Variants in IP6K1 observed in about 807,000 individuals in gnomAD.
IP6K1 encodes ATP:1D-myo-inositol-hexakisphosphate phosphotransferase.
Under a neutral mutation model 38.3 loss-of-function variants are expected in IP6K1, and 13 were observed. The observed-to-expected ratio is 0.34, with a 90% CI of 0.22 to 0.54. The LOEUF (loss-of-function observed/expected upper bound fraction) is 0.54. IP6K1 is among the 20% of genes least tolerant of loss of function. The probability of loss-of-function intolerance (pLI) is 0.92; values close to 1 mark genes in which losing one functional copy is unlikely to be tolerated. For missense variants in IP6K1, 397 were observed against 599.8 expected (o/e 0.66, Z 3.53); for synonymous variants, 212 against 229.9 (o/e 0.92, Z 0.70).
chr3:49,776,693 A>G (rs2108262733), intron 1 of IP6K1, among the ~76,000 whole-genome samples: 1 of 152,314 alleles, frequency 6.6e-6, no homozygotes, highest in South Asian at 2.1e-4. Flanking sequence ...TATAAATGAT[A>G]GCAAAAGCAC....
In IP6K1 at chr3:49,747,979, T is replaced by A. The variant is rs1224145518; in HGVS notation, c.62A>T (p.Asp21Val). ...QYGKNASRAG[D>V]RGVLLEPFIH... The stretch of plus-strand genomic sequence containing the variant: ...GAAGGGCTCCAGGAGGACTCCCCGG[T>A]CTCCAGCCCGACTTGCATTCTTGCC... The change falls in exon 2 of 6, where the codon GAC (aspartate) becomes GTC (valine). Residue 21 changes from aspartate to valine, a missense_variant. By Grantham distance (152) the Asp-to-Val change is radical. Transcript: ENST00000321599. The A allele has an allele frequency of 6.2e-7, 1 of 1,614,074 alleles. No homozygotes were observed. The highest frequency in any genetic ancestry group is 8.5e-7 in the Non-Finnish European group (1 of 1,180,038).
At chr3:49,769,429 C>T (rs2080939053) in intron 1 of IP6K1, among the ~76,000 whole-genome samples, 1 of 152,138 alleles carries the variant, frequency 6.6e-6, no homozygotes, top group Non-Finnish European at 1.5e-5. Flanking sequence ...TGGAACAGAA[C>T]ACAGATTTCA....
intron 4 of IP6K1, among the ~76,000 whole-genome samples, chr3:49,729,324 A>G (rs1046161202): frequency 2.0e-5 from 3 of 152,114 alleles, no homozygotes; most frequent in Admixed American, 6.6e-5. Flanking sequence ...TTGTATGTAT[A>G]TATCACAAAC....
chr3:49,785,309 C>G (rs1440439045), intron 1 of IP6K1, among the ~76,000 whole-genome samples: 4 of 152,024 alleles, frequency 2.6e-5, no homozygotes, highest in Non-Finnish European at 4.4e-5. Context: ...AGTTCGAGAC[C>G]AGCCTGGCCA....
chr3:49,758,190 G>T (rs1474008769), intron 1 of IP6K1, among the ~76,000 whole-genome samples: 1 of 151,414 alleles, frequency 6.6e-6, no homozygotes, highest in East Asian at 1.9e-4. Flanking sequence ...GGCGCCTGTA[G>T]TCAGTCCCAG....
Position 49,731,570 on chromosome 3 carries a change from A to G in IP6K1, c.616+1221T>C, listed in dbSNP as rs575889956. On this transcript the variant is annotated intron_variant, in intron 4 of 5. Transcript: ENST00000321599. The stretch of plus-strand genomic sequence containing the variant: ...CAACACTTAATCCCCCTGTGCTTCC[A>G]CTTCCTCATCTATAACATGGGAATG... Among the ~76,000 whole-genome samples, 6 of 152,278 alleles carry G rather than the reference A, an allele frequency of 3.9e-5. 1 individual carries two copies. In the South Asian group the frequency reaches 1.2e-3, roughly 32 times the overall value.
intron 1 of IP6K1, among the ~76,000 whole-genome samples, chr3:49,773,705 T>A (rs1028781079): frequency 1.3e-5 from 2 of 152,220 alleles, no homozygotes; most frequent in Non-Finnish European, 2.9e-5. Context: ...TCATTATATT[T>A]TCTATGCTAG....
At chr3:49,752,702 C>T (rs2080788925) in intron 1 of IP6K1, among the ~76,000 whole-genome samples, 1 of 151,660 alleles carries the variant, frequency 6.6e-6, no homozygotes, top group Non-Finnish European at 1.5e-5. Flanking sequence ...GTGATCTGCC[C>T]GCCTAGACCT....
intron 1 of IP6K1, among the ~76,000 whole-genome samples, chr3:49,759,259 G>T (rs1052851895): frequency 1.3e-5 from 2 of 152,080 alleles, no homozygotes; most frequent in Admixed American, 1.3e-4. Flanking sequence ...ATACTACTCT[G>T]AAGATTATCT....
intron 4 of IP6K1, among the ~76,000 whole-genome samples, chr3:49,731,177 G>A (rs2108222614): frequency 6.6e-6 from 1 of 151,758 alleles, no homozygotes; most frequent in East Asian, 1.9e-4. Flanking sequence ...TAACTCCCTG[G>A]CATTTACATA....
intron 1 of IP6K1, among the ~76,000 whole-genome samples, chr3:49,775,841 T>A (rs930992814): frequency 6.6e-6 from 1 of 152,018 alleles, no homozygotes; most frequent in African/African-American, 2.4e-5. Context: ...GAAAAATTGA[T>A]AGATTAGTTA....
chr3:49,737,614 A>T (rs1247816162), intron 3 of IP6K1, among the ~76,000 whole-genome samples: 1 of 152,234 alleles, frequency 6.6e-6, no homozygotes, highest in African/African-American at 2.4e-5. Flanking sequence ...TGAACCCAGG[A>T]GGGAGAGGTT....
At chr3:49,763,123 A>G (rs1245241723) in intron 1 of IP6K1, among the ~76,000 whole-genome samples, 15 of 133,082 alleles carry the variant, frequency 1.1e-4, no homozygotes, top group Non-Finnish European at 1.9e-4. Flanking sequence ...TTTTTTTTTG[A>G]GACGGAGTCT....
At chr3:49,746,853 T>G (rs2080725256) in intron 2 of IP6K1, among the ~76,000 whole-genome samples, 1 of 151,984 alleles carries the variant, frequency 6.6e-6, no homozygotes, top group African/African-American at 2.4e-5. Context: ...AATAGGCAAA[T>G]CTGTAGAGAC....
At chr3:49,738,597 C>T (rs1035699126) in intron 2 of IP6K1, among the ~76,000 whole-genome samples, 175 bp from the exon 3 acceptor site, 1 of 152,126 alleles carries the variant, frequency 6.6e-6, no homozygotes, top group Non-Finnish European at 1.5e-5. Flanking sequence ...AATGGATGAC[C>T]GTCCATCCCC....
chr3:49,778,065 C>T (rs1194032381), intron 1 of IP6K1, among the ~76,000 whole-genome samples: 2 of 151,736 alleles, frequency 1.3e-5, no homozygotes, highest in Admixed American at 6.6e-5. Context: ...GTGGCTCACA[C>T]CTGTAATCCC....
chr3:49,752,488 C>CA (rs56885374), intron 1 of IP6K1, among the ~76,000 whole-genome samples: 74,134 of 141,592 alleles, frequency 0.52, 19,668 homozygotes, highest in East Asian at 0.83. Context: ...GACTCCATCT[C>CA]AAAAAAAAAA....
intron 3 of IP6K1, among the ~76,000 whole-genome samples, chr3:49,736,474 G>C (rs994639916): frequency 3.9e-5 from 6 of 152,056 alleles, no homozygotes; most frequent in African/African-American, 1.4e-4. Context: ...TTGTACATAT[G>C]TGGTCTTTTG....
intron 1 of IP6K1, among the ~76,000 whole-genome samples, chr3:49,776,090 C>T (rs193055396): frequency 2.0e-5 from 3 of 151,946 alleles, no homozygotes; most frequent in Non-Finnish European, 2.9e-5. Context: ...TCTTTTAACA[C>T]TTGCGCTATT....
Sources: gnomAD v4.1 joint callset for allele counts (sites outside exome capture counted in the v4.1 genomes callset) on GRCh38, gnomAD v4.1.1 for gene constraint, MANE v1.5 for transcripts, NCBI Gene and HGNC (gene_info 2026-07-23, HGNC 2026-07-21) for gene names.